The following GABRB2 variants were observed in gnomAD, a reference collection of about 807,000 sequenced individuals.
The protein encoded by GABRB2 is gamma-aminobutyric acid receptor subunit beta-2.
Under a neutral mutation model 54.7 loss-of-function variants are expected in GABRB2, and 16 were observed. That is an observed-to-expected ratio of 0.29 (90% CI 0.20 to 0.44). GABRB2 has a LOEUF of 0.44. Ranked by LOEUF, GABRB2 falls within the 20% of genes least tolerant of loss-of-function variation. The pLI is 1.00. For missense variants in GABRB2, 355 were observed against 644.0 expected (o/e 0.55, Z 4.86); for synonymous variants, 244 against 233.8 (o/e 1.04, Z -0.40).
chr5:161,459,586 T>C (rs756556582), intron 4 of GABRB2, 38 bp downstream of exon 4: 1 of 1,520,934 alleles, frequency 6.6e-7, no homozygotes. Flanking sequence ...AGCTATTTTG[T>C]TCAGGAAAAG....
At chr5:161,377,473 G>T (rs942126771) in intron 5 of GABRB2, among the ~76,000 whole-genome samples, 1 of 152,080 alleles carries the variant, frequency 6.6e-6, no homozygotes, top group Non-Finnish European at 1.5e-5. Context: ...TGAGAAAAGA[G>T]TATCCTCAGC....
At chr5:161,385,943 G>A (rs1755610761) in intron 5 of GABRB2, among the ~76,000 whole-genome samples, 1 of 126,384 alleles carries the variant, frequency 7.9e-6, no homozygotes, top group Non-Finnish European at 1.7e-5. Flanking sequence ...GTTACCTATT[G>A]TCTGGTGTGT....
chr5:161,342,037 A>T (rs1229598251), intron 5 of GABRB2, among the ~76,000 whole-genome samples: 1 of 142,994 alleles, frequency 7.0e-6, no homozygotes, highest in Non-Finnish European at 1.5e-5. Context: ...TACTTTTTTA[A>T]ACTTTGTTTC....
At chr5:161,505,033 C>T (rs1417542576) in intron 3 of GABRB2, among the ~76,000 whole-genome samples, 1 of 151,682 alleles carries the variant, frequency 6.6e-6, no homozygotes, top group East Asian at 1.9e-4. Context: ...ACAAGAAATG[C>T]TGTAAATTCT....
chr5:161,546,256 G>C, intron 2 of GABRB2, 66 bp downstream of exon 2: 1 of 1,273,372 alleles, frequency 7.9e-7, no homozygotes, highest in South Asian at 1.2e-5. Context: ...AGGGAAGAGA[G>C]CGCGCACAAA....
At chr5:161,546,782 A>G, upstream of GABRB2, 1 of 1,462,980 alleles carries the variant, frequency 6.8e-7, no homozygotes. Flanking sequence ...GCTGCCGGGG[A>G]CCGAGCAGAT....
chr5:161,385,308 C>T (rs1032153485), intron 5 of GABRB2, among the ~76,000 whole-genome samples: 3 of 152,216 alleles, frequency 2.0e-5, no homozygotes, highest in African/African-American at 7.2e-5. Context: ...CAAAATCTCT[C>T]ATAAACATTT....
chr5:161,386,188 C>G (rs111249356), intron 5 of GABRB2, among the ~76,000 whole-genome samples: 3,649 of 152,114 alleles, frequency 0.024, 144 homozygotes, highest in African/African-American at 0.082. Flanking sequence ...TTTAAACCAG[C>G]AATATCTGCC....
At chr5:161,418,748 C>T (rs1020112535) in intron 4 of GABRB2, among the ~76,000 whole-genome samples, 8 of 151,954 alleles carry the variant, frequency 5.3e-5, no homozygotes, top group South Asian at 2.1e-4. Context: ...CATCTGACAA[C>T]GACTAATATC....
intron 9 of GABRB2, among the ~76,000 whole-genome samples, chr5:161,312,018 T>TTG (rs3222105): frequency 0.23 from 33,683 of 148,914 alleles, 5,610 homozygotes; most frequent in African/African-American, 0.46. Context: ...CAGTAATGTT[T>TTG]TGTGTGTGTG....
chr5:161,376,784 A>C (rs1386128609), intron 5 of GABRB2, among the ~76,000 whole-genome samples: 1 of 152,184 alleles, frequency 6.6e-6, no homozygotes, highest in Non-Finnish European at 1.5e-5. Context: ...TTACTGCTGT[A>C]ATTATGGTAA....
chr5:161,395,563 C>T (rs755099807), intron 5 of GABRB2, among the ~76,000 whole-genome samples: 14 of 152,056 alleles, frequency 9.2e-5, no homozygotes, highest in East Asian at 7.7e-4. Context: ...ATATAAGTAT[C>T]GCAATTGTGC....
intron 5 of GABRB2, among the ~76,000 whole-genome samples, chr5:161,396,477 C>T (rs1756006713): frequency 6.6e-6 from 1 of 152,198 alleles, no homozygotes; most frequent in African/African-American, 2.4e-5. Flanking sequence ...AACAAACCCA[C>T]TTTTGTTAAT....
intron 3 of GABRB2, among the ~76,000 whole-genome samples, chr5:161,477,101 T>C (rs997652822): frequency 6.6e-6 from 1 of 151,750 alleles, no homozygotes; most frequent in Non-Finnish European, 1.5e-5. Context: ...ACAAACAACG[T>C]GATTAAAAAA....
intron 5 of GABRB2, among the ~76,000 whole-genome samples, chr5:161,386,164 C>T (rs1755625793): frequency 6.6e-6 from 1 of 152,040 alleles, no homozygotes; most frequent in Admixed American, 6.6e-5. Context: ...TCCTAAGTGG[C>T]CCTCATGGAT....
intron 8 of GABRB2, among the ~76,000 whole-genome samples, chr5:161,328,452 A>C (rs935220781): frequency 2.6e-5 from 4 of 152,192 alleles, no homozygotes; most frequent in Non-Finnish European, 5.9e-5. Flanking sequence ...TTTATAAGAG[A>C]GGAATTAACC....
chr5:161,312,238 G>A (rs1412214005), intron 9 of GABRB2, among the ~76,000 whole-genome samples: 1 of 152,082 alleles, frequency 6.6e-6, no homozygotes, highest in Non-Finnish European at 1.5e-5. Flanking sequence ...TGCACCATCC[G>A]CTCTCACTCC....
chr5:161,317,279 A>G (rs1298048661), intron 9 of GABRB2, among the ~76,000 whole-genome samples: 2 of 152,244 alleles, frequency 1.3e-5, no homozygotes, highest in East Asian at 3.8e-4. Flanking sequence ...TGCATGTAGC[A>G]AAATTGCATC....
At chr5:161,511,770 C>T (rs537689690) in intron 3 of GABRB2, among the ~76,000 whole-genome samples, 17 of 152,104 alleles carry the variant, frequency 1.1e-4, no homozygotes, top group African/African-American at 4.1e-4. Context: ...CTTCTCCCTA[C>T]GTCTCTTCAT....
Sources: allele counts gnomAD v4.1 joint callset (sites outside exome capture counted in the v4.1 genomes callset), GRCh38; gene constraint gnomAD v4.1.1; transcripts MANE v1.5; gene names NCBI Gene and HGNC (gene_info 2026-07-23, HGNC 2026-07-21).